DCC: variants seen among roughly 807,000 people sequenced by gnomAD.
DCC encodes the protein DCC netrin 1 receptor.
Under a neutral mutation model 172.5 loss-of-function variants are expected in DCC, and 58 were observed. The observed-to-expected ratio is 0.34, with a 90% confidence interval of 0.27 to 0.42. DCC has a LOEUF of 0.42. Among genes scored for constraint, DCC ranks in the 10% least tolerant of loss-of-function variants. The pLI is 1.00. For synonymous variants in DCC, 709 were observed against 644.5 expected, an observed-to-expected ratio of 1.10 and a Z score of -1.52; for missense variants, 1,740 against 1,791.0, an observed-to-expected ratio of 0.97 and a Z score of 0.51.
At chr18:52,443,904 G>C (rs1283099021) in intron 1 of DCC, among the ~76,000 whole-genome samples, 1 of 152,120 alleles carries the variant, frequency 6.6e-6, no homozygotes. Context: ...TCTTGAAATA[G>C]CTCAGGTTAT....
chr18:52,966,521 A>C (rs1420380421), intron 5 of DCC, among the ~76,000 whole-genome samples: 1 of 152,038 alleles, frequency 6.6e-6, no homozygotes, highest in Non-Finnish European at 1.5e-5. Context: ...CTTCTGGTGG[A>C]GGGACAGCTG....
intron 2 of DCC, among the ~76,000 whole-genome samples, chr18:52,770,310 C>A (rs1420057163): frequency 2.0e-5 from 3 of 152,164 alleles, no homozygotes; most frequent in African/African-American, 7.2e-5. Flanking sequence ...ATCCTAAACG[C>A]AGCTGCCTTT....
intron 1 of DCC, among the ~76,000 whole-genome samples, chr18:52,592,720 G>A (rs925503414): frequency 4.6e-5 from 7 of 152,132 alleles, no homozygotes; most frequent in Non-Finnish European, 1.0e-4. Context: ...TGTAACGTCC[G>A]CCTCCTGGAT....
rs1396208978 is a variant in DCC, at chr18:52,705,139, G to T, written c.92-46915G>T. Among the ~76,000 whole-genome samples the T allele has an allele frequency of 7.9e-5, 12 of 152,152 alleles. 1 individual carries two copies. Among genetic ancestry groups the T allele is most frequent in the South Asian group, 2.1e-4 (1 of 4,830 alleles). ...TGGTTTTCATACACCATACATAAAT[G>T]CTTGTCTCGCTGTTTTCTAAGCACA... On this transcript the variant is annotated intron_variant, in intron 1 of 28. Transcript: ENST00000442544.
chr18:53,084,478 G>T (rs1301130083), intron 7 of DCC, among the ~76,000 whole-genome samples: 1 of 152,156 alleles, frequency 6.6e-6, no homozygotes, highest in Non-Finnish European at 1.5e-5. Flanking sequence ...TTTTTGGGAG[G>T]TTTGTGCAGG....
intron 2 of DCC, among the ~76,000 whole-genome samples, chr18:52,832,088 C>T (rs952597715): frequency 6.6e-6 from 1 of 152,148 alleles, no homozygotes; most frequent in African/African-American, 2.4e-5. Context: ...TTTAGCCATG[C>T]TTGCAGCATG....
intron 1 of DCC, among the ~76,000 whole-genome samples, chr18:52,739,705 A>G (rs983530809): frequency 6.6e-6 from 1 of 152,196 alleles, no homozygotes; most frequent in African/African-American, 2.4e-5. Flanking sequence ...TACTACCGGA[A>G]ATCACACCAT....
chr18:53,499,456 C>T lies in DCC; in HGVS notation c.4057C>T (p.Pro1353Ser), dbSNP rs1347945117. Residue 1353 changes from proline (P) to serine (S), a missense_variant, in exon 27 of 29, where the codon CCA becomes TCA. Physicochemically the swap from Pro to Ser is moderately conservative, Grantham distance 74. This residue lies in a region of DCC where 1,732 missense variants were observed against 1,767.4 expected (regional missense o/e 0.98). Coordinates refer to ENST00000442544, the MANE Select transcript of DCC (RefSeq NM_005215.4). ...CTTTGCTAATCCTTTGCTACCTCCA[C>T]CAATGAGTGCAATAGAACCGAAAGT... is the stretch of plus-strand genomic sequence containing the variant. ...RSFANPLLPP[P>S]MSAIEPKVPY... 1.2e-6 allele frequency: 2 copies of T among 1,614,162 alleles called. No individual in the cohort carries two copies. The highest frequency in any genetic ancestry group is 2.2e-5 in the East Asian group (1 of 44,888).
intron 1 of DCC, among the ~76,000 whole-genome samples, chr18:52,630,456 T>C (rs758706085): frequency 7.2e-5 from 11 of 152,192 alleles, no homozygotes; most frequent in Non-Finnish European, 1.5e-4. Context: ...TATTCGTAAG[T>C]AGGAATAACA....
chr18:52,974,764 C>G (rs1371658831), intron 5 of DCC, among the ~76,000 whole-genome samples: 1 of 152,134 alleles, frequency 6.6e-6, no homozygotes, highest in African/African-American at 2.4e-5. Flanking sequence ...ATGATGACTG[C>G]AGTGTAAGAC....
At chr18:53,142,804 T>C (rs914110333) in intron 7 of DCC, among the ~76,000 whole-genome samples, 41 of 152,182 alleles carry the variant, frequency 2.7e-4, no homozygotes, top group Non-Finnish European at 7.3e-5. Flanking sequence ...TCCATTAATA[T>C]CATTTTTCTG....
intron 15 of DCC, among the ~76,000 whole-genome samples, chr18:53,383,845 G>T (rs1218949554): frequency 1.3e-5 from 2 of 151,698 alleles, no homozygotes; most frequent in East Asian, 3.9e-4. Flanking sequence ...AGGGACAGAG[G>T]GGATGATAGA....
At chr18:53,304,606 C>T (rs1170863502) in intron 12 of DCC, among the ~76,000 whole-genome samples, 2 of 152,084 alleles carry the variant, frequency 1.3e-5, no homozygotes, top group Non-Finnish European at 2.9e-5. Context: ...ACCAACACCT[C>T]CAAGGTCAGG....
chr18:52,507,416 C>T (rs568614595), intron 1 of DCC, among the ~76,000 whole-genome samples: 7 of 152,246 alleles, frequency 4.6e-5, no homozygotes, highest in African/African-American at 1.7e-4. Flanking sequence ...AGAGATTAAG[C>T]ATTTGCATTC....
At chr18:53,022,544 CGT>C (rs10686492) in intron 5 of DCC, among the ~76,000 whole-genome samples, 57 of 85,548 alleles carry the variant, frequency 6.7e-4, no homozygotes, top group South Asian at 1.6e-3. Context: ...TATATATGTG[CGT>C]GTGTGTGTGT....
chr18:52,537,737 ACTGT>A (rs531158122), intron 1 of DCC, among the ~76,000 whole-genome samples: 3 of 152,192 alleles, frequency 2.0e-5, no homozygotes, highest in African/African-American at 4.8e-5. Flanking sequence ...ATGGCTCTTC[ACTGT>A]CTGTCAATGC....
intron 5 of DCC, among the ~76,000 whole-genome samples, chr18:52,955,383 C>CT (rs34283017): frequency 0.38 from 56,846 of 148,716 alleles, 11,550 homozygotes; most frequent in Non-Finnish European, 0.47. Context: ...TTTAGTAGAC[C>CT]TTTTTTTTTT....
intron 1 of DCC, among the ~76,000 whole-genome samples, chr18:52,342,410 T>C (rs1481410179): frequency 7.3e-6 from 1 of 136,946 alleles, no homozygotes; most frequent in Non-Finnish European, 1.5e-5. Flanking sequence ...CCCCTGGCTC[T>C]TCTCTCCCGG....
intron 14 of DCC, among the ~76,000 whole-genome samples, chr18:53,325,983 T>C (rs879883341): frequency 2.0e-5 from 3 of 152,208 alleles, no homozygotes; most frequent in Non-Finnish European, 2.9e-5. Context: ...GAAGACATTT[T>C]TCAAGGAAAT....
Sources: allele counts gnomAD v4.1 joint callset (sites outside exome capture counted in the v4.1 genomes callset), GRCh38; gene constraint gnomAD v4.1.1; regional missense constraint gnomAD v4.1.1; transcripts MANE v1.5; gene names NCBI Gene and HGNC (gene_info 2026-07-23, HGNC 2026-07-21).